The following SPOCK1 variants were observed in gnomAD, a reference collection of about 807,000 sequenced individuals.
SPOCK1 encodes the protein testican-1.
In SPOCK1, 23 loss-of-function variants were observed where a neutral mutation model predicts 55.3. The observed-to-expected ratio is 0.42, with a 90% confidence interval of 0.30 to 0.59. The LOEUF is 0.59. Ranked by LOEUF, SPOCK1 falls within the 20% of genes least tolerant of loss-of-function variation. The pLI is 0.22. For synonymous variants in SPOCK1, 226 were observed against 221.0 expected (o/e 1.02, Z -0.20); for missense variants, 499 against 552.5 (o/e 0.90, Z 0.97).
intron 2 of SPOCK1, among the ~76,000 whole-genome samples, chr5:137,398,605 G>C (rs1421370075): frequency 1.3e-5 from 2 of 152,120 alleles, no homozygotes; most frequent in African/African-American, 2.4e-5. Context: ...GGAATTATGA[G>C]AGTAAATAAA....
At chr5:137,335,816 G>T (rs931473054) in intron 2 of SPOCK1, among the ~76,000 whole-genome samples, 1 of 152,188 alleles carries the variant, frequency 6.6e-6, no homozygotes, top group Non-Finnish European at 1.5e-5. Flanking sequence ...ATTTCAGCAT[G>T]TTCAAGTCAA....
At chr5:137,203,072 C>A (rs1457162950) in intron 3 of SPOCK1, among the ~76,000 whole-genome samples, 1 of 152,144 alleles carries the variant, frequency 6.6e-6, no homozygotes, top group Non-Finnish European at 1.5e-5. Flanking sequence ...CTTTTTCAAG[C>A]CATTTTGTGC....
chr5:137,111,715 C>T (rs1753478062), intron 5 of SPOCK1, among the ~76,000 whole-genome samples: 1 of 152,128 alleles, frequency 6.6e-6, no homozygotes, highest in Non-Finnish European at 1.5e-5. Flanking sequence ...GCCTCCCTGC[C>T]TGTAAATCCT....
intron 2 of SPOCK1, among the ~76,000 whole-genome samples, chr5:137,469,701 T>G (rs1399874326): frequency 6.6e-6 from 1 of 152,196 alleles, no homozygotes; most frequent in African/African-American, 2.4e-5. Flanking sequence ...GGAAACACTG[T>G]GATATACACA....
At chr5:137,260,725 C>T (rs2127112454) in intron 3 of SPOCK1, among the ~76,000 whole-genome samples, 1 of 152,316 alleles carries the variant, frequency 6.6e-6, no homozygotes, top group South Asian at 2.1e-4. Flanking sequence ...TAGGAGCATA[C>T]TAATATTTGA....
intron 2 of SPOCK1, among the ~76,000 whole-genome samples, chr5:137,470,528 A>G (rs1002199708): frequency 1.3e-5 from 2 of 152,160 alleles, no homozygotes; most frequent in South Asian, 2.1e-4. Flanking sequence ...AGGCTTCTGA[A>G]GGTGTGGCTG....
intron 2 of SPOCK1, among the ~76,000 whole-genome samples, chr5:137,367,256 A>G (rs1751091525): frequency 6.6e-6 from 1 of 152,206 alleles, no homozygotes; most frequent in African/African-American, 2.4e-5. Flanking sequence ...TACAAAATGC[A>G]TGATTGACAA....
At chr5:137,265,518 G>A (rs965424862) in intron 3 of SPOCK1, among the ~76,000 whole-genome samples, 1 of 152,162 alleles carries the variant, frequency 6.6e-6, no homozygotes, top group African/African-American at 2.4e-5. Flanking sequence ...ATTCTTCATA[G>A]ATAAAGTTTT....
intron 3 of SPOCK1, among the ~76,000 whole-genome samples, chr5:137,170,062 C>G (rs752584855): frequency 6.6e-6 from 1 of 152,102 alleles, no homozygotes; most frequent in Non-Finnish European, 1.5e-5. Flanking sequence ...GTTCCAGGAC[C>G]CTTGCAGATC....
chr5:137,319,414 C>T (rs541346851), intron 2 of SPOCK1, among the ~76,000 whole-genome samples: 3 of 152,264 alleles, frequency 2.0e-5, no homozygotes, highest in African/African-American at 7.2e-5. Flanking sequence ...TTCCAATATG[C>T]TTATTGTTCA....
At chr5:137,200,002 T>C (rs1755395496) in intron 3 of SPOCK1, among the ~76,000 whole-genome samples, 3 of 152,184 alleles carry the variant, frequency 2.0e-5, no homozygotes, top group African/African-American at 7.2e-5. Context: ...GCATCACCAC[T>C]CTGGCCCAAG....
intron 3 of SPOCK1, among the ~76,000 whole-genome samples, chr5:137,210,392 C>A (rs1441443236): frequency 1.3e-5 from 2 of 152,118 alleles, no homozygotes; most frequent in Admixed American, 1.3e-4. Flanking sequence ...ACCCTTAAGG[C>A]AATATCACAT....
At chr5:137,022,570 A>C (rs920360681) in intron 6 of SPOCK1, among the ~76,000 whole-genome samples, 8 of 152,092 alleles carry the variant, frequency 5.3e-5, no homozygotes, top group Admixed American at 4.6e-4. Context: ...AGAATATTAC[A>C]CTCATGCAAG....
intron 1 of SPOCK1, 39 bp from the exon 2 acceptor site, chr5:137,498,597 C>A (rs1277685844): frequency 1.6e-5 from 20 of 1,280,994 alleles, no homozygotes; most frequent in Non-Finnish European, 1.9e-5. Context: ...GCGAAGAGGG[C>A]GGGCGGCCGC....
In SPOCK1 at chr5:137,277,007, A is replaced by T. The variant is rs376793176; in HGVS notation, c.187-9952T>A. Among the ~76,000 whole-genome samples, 26 of 152,278 alleles carry T rather than the reference A, an allele frequency of 1.7e-4. No homozygotes were observed. In the East Asian group the frequency reaches 2.1e-3, roughly 12 times the overall value. ...TAATATTAATAGTAATCATCGTAAT[A>T]ATAGCAGCTACCACATTTTTTTTTT... On this transcript the variant is annotated intron_variant, in intron 2 of 10. Transcript: ENST00000394945.
intron 3 of SPOCK1, among the ~76,000 whole-genome samples, chr5:137,155,794 T>C (rs4976341): frequency 0.9 from 136,641 of 152,250 alleles, 61,395 homozygotes; most frequent in African/African-American, 0.93. Flanking sequence ...ACAAAGGCTC[T>C]GTCTGGTCTC....
intron 2 of SPOCK1, among the ~76,000 whole-genome samples, chr5:137,419,398 G>A (rs1344218530): frequency 6.6e-6 from 1 of 152,088 alleles, no homozygotes; most frequent in Non-Finnish European, 1.5e-5. Context: ...GGGCAGTATG[G>A]CCATTTTCAC....
chr5:137,430,325 T>C (rs1374607014), intron 2 of SPOCK1, among the ~76,000 whole-genome samples: 1 of 152,248 alleles, frequency 6.6e-6, no homozygotes, highest in Non-Finnish European at 1.5e-5. Context: ...AGACTATCCA[T>C]CACCCCAGCT....
intron 3 of SPOCK1, among the ~76,000 whole-genome samples, chr5:137,142,710 T>G (rs779524449): frequency 5.9e-5 from 9 of 152,232 alleles, no homozygotes; most frequent in Non-Finnish European, 1.2e-4. Flanking sequence ...CAGGGCCCTG[T>G]GTCTGCCTTC....
Sources: gnomAD v4.1 joint callset for allele counts (sites outside exome capture counted in the v4.1 genomes callset) on GRCh38, gnomAD v4.1.1 for gene constraint, MANE v1.5 for transcripts, NCBI Gene and HGNC (gene_info 2026-07-23, HGNC 2026-07-21) for gene names.